The following ARHGAP44 variants were observed in gnomAD, a reference collection of about 807,000 sequenced individuals.
The protein encoded by ARHGAP44 is Rho GTPase activating protein 44.
In ARHGAP44, 43 loss-of-function variants were observed where a neutral mutation model predicts 106.8. The ratio of observed to expected loss-of-function variants is 0.40; its 90% CI spans 0.32 to 0.52. The LOEUF (loss-of-function observed/expected upper bound fraction) is 0.52, where lower values mean the gene tolerates loss of function less well. Among genes scored for constraint, ARHGAP44 ranks in the 20% least tolerant of loss-of-function variants. The pLI is 0.48. For synonymous variants in ARHGAP44, 439 were observed against 410.3 expected, an observed-to-expected ratio of 1.07 and a Z score of -0.85; for missense variants, 866 against 1,050.5, an observed-to-expected ratio of 0.82 and a Z score of 2.43.
At chr17:12,879,692 T>C (rs1432196941) in intron 1 of ARHGAP44, among the ~76,000 whole-genome samples, 1 of 99,492 alleles carries the variant, frequency 1.0e-5, no homozygotes, top group African/African-American at 2.8e-5. Flanking sequence ...TGTATATATA[T>C]ATATACACAT....
Position 12,956,652 on chromosome 17 carries a change from C to T in ARHGAP44, c.1251-3C>T. ...CCTGTTTGCCTCTGCTCTCTGCTTA[C>T]AGGAACATTACAGAGATGATGACCA... is the stretch of plus-strand genomic sequence containing the variant. On this transcript the variant is annotated splice_region_variant and splice_polypyrimidine_tract_variant and intron_variant, in intron 14 of 20. Coordinates refer to ENST00000379672, the MANE Select transcript of ARHGAP44 (RefSeq NM_014859.6). 3 of 1,613,550 alleles carry T rather than the reference C, an allele frequency of 1.9e-6. No individual in the cohort carries two copies. Among genetic ancestry groups the T allele is most frequent in the Non-Finnish European group, 2.5e-6 (3 of 1,179,538 alleles).
chr17:12,989,103 A>AAAAAAAAAAAAAC (rs2040038631), intron 20 of ARHGAP44, among the ~76,000 whole-genome samples: 3 of 104,192 alleles, frequency 2.9e-5, no homozygotes, highest in African/African-American at 9.7e-5. Flanking sequence ...ACCCCCCCCA[A>AAAAAAAAAAAAAC]AAAAAAAAAA....
chr17:12,903,286 C>T (rs1426249440), intron 3 of ARHGAP44, among the ~76,000 whole-genome samples: 1 of 151,960 alleles, frequency 6.6e-6, no homozygotes, highest in Non-Finnish European at 1.5e-5. Context: ...GAATAGTCAT[C>T]TCAGAAATGT....
At chr17:12,817,991 A>G (rs1354820615) in intron 1 of ARHGAP44, among the ~76,000 whole-genome samples, 1 of 152,042 alleles carries the variant, frequency 6.6e-6, no homozygotes, top group East Asian at 1.9e-4. Context: ...AGAACACTTC[A>G]TATCTATTTT....
At chr17:12,905,359 A>G (rs2037517149) in intron 3 of ARHGAP44, among the ~76,000 whole-genome samples, 1 of 152,138 alleles carries the variant, frequency 6.6e-6, no homozygotes, top group South Asian at 2.1e-4. Flanking sequence ...GTGTTAAATG[A>G]CTCAAAATGA....
chr17:12,860,856 C>CTT lies in ARHGAP44; in HGVS notation c.54-34062_54-34061dup, dbSNP rs71144929. On this transcript the variant is annotated intron_variant, in intron 1 of 20. Coordinates refer to ENST00000379672, the MANE Select transcript of ARHGAP44 (RefSeq NM_014859.6). ...AATCGGTATATGGTTTTTTTCTATT[C>CTT]TTTTTTTTTTTTTTTTTTTTTTTGA... Among the ~76,000 whole-genome samples the CTT allele has an allele frequency of 9.9e-4, 135 of 135,780 alleles. 2 individuals carry two copies. Among genetic ancestry groups the CTT allele is most frequent in the African/African-American group, 2.6e-3 (89 of 34,280 alleles). The allele number at this position is 135,780 out of a possible 152,430, so 89.1% of individuals were successfully genotyped here.
chr17:12,924,284 T>C (rs1244841373), intron 6 of ARHGAP44, among the ~76,000 whole-genome samples: 1 of 152,242 alleles, frequency 6.6e-6, no homozygotes, highest in Admixed American at 6.5e-5. Context: ...GCTTGTCTGC[T>C]TCAAAAGCCA....
rs79533835 is a variant in ARHGAP44, at chr17:12,891,203, G to A, written c.54-3737G>A. ...TTTTCTAGCCTGCTCTTCCAGACTC[G>A]TCTAGTCTCCACTATCCAGTTCCAA... On this transcript the variant is annotated intron_variant, in intron 1 of 20. Transcript: ENST00000379672. 9.0e-3 allele frequency among the ~76,000 whole-genome samples: 1,373 copies of A among 152,142 alleles called. 24 individuals are homozygous for A. Among genetic ancestry groups the A allele is most frequent in the African/African-American group, 0.031 (1,302 of 41,476 alleles).
chr17:12,975,795 C>CAAAAAAAAAAA (rs57364760), intron 18 of ARHGAP44, among the ~76,000 whole-genome samples: 4 of 69,372 alleles, frequency 5.8e-5, no homozygotes, highest in Admixed American at 4.2e-4. Flanking sequence ...GACTCCGTCT[C>CAAAAAAAAAAA]AAAAAAAAAA....
chr17:12,865,729 C>T (rs558725718), intron 1 of ARHGAP44, among the ~76,000 whole-genome samples: 53 of 146,250 alleles, frequency 3.6e-4, no homozygotes, highest in African/African-American at 1.2e-3. Context: ...GCGGAGCTTG[C>T]AATGAGCCGA....
intron 1 of ARHGAP44, among the ~76,000 whole-genome samples, chr17:12,805,224 C>T (rs1282475540): frequency 2.8e-4 from 42 of 152,094 alleles, no homozygotes; most frequent in Admixed American, 2.8e-3. Context: ...TTTTTTCCTG[C>T]CTTGATTTTT....
chr17:12,965,525 A>G lies in ARHGAP44; in HGVS notation c.1523+6628A>G, dbSNP rs191197346. Among the ~76,000 whole-genome samples, 35 of 152,326 alleles carry G rather than the reference A, an allele frequency of 2.3e-4. 1 individual carries two copies. Among genetic ancestry groups the G allele is most frequent in the Admixed American group, 2.1e-3 (32 of 15,302 alleles). On this transcript the variant is annotated intron_variant, in intron 16 of 20. Coordinates refer to ENST00000379672, the MANE Select transcript of ARHGAP44 (RefSeq NM_014859.6). ...CACACTTGATTGAGAGGGTTCTAGAATAATTCGAACTGTGCCCTATGGTAT... is the reference window on the plus strand; with the variant it reads ...CACACTTGATTGAGAGGGTTCTAGAGTAATTCGAACTGTGCCCTATGGTAT...
intron 1 of ARHGAP44, among the ~76,000 whole-genome samples, chr17:12,798,216 A>G (rs2033981931): frequency 6.6e-6 from 1 of 152,170 alleles, no homozygotes; most frequent in African/African-American, 2.4e-5. Context: ...TGCATTGTCT[A>G]GGACTTATAG....
At chr17:12,914,157 A>G (rs2037831545) in intron 4 of ARHGAP44, among the ~76,000 whole-genome samples, 2 of 152,166 alleles carry the variant, frequency 1.3e-5, no homozygotes, top group South Asian at 4.1e-4. Context: ...GAATATGAAC[A>G]GGCACTTCAT....
At chr17:12,886,979 T>A (rs1031591021) in intron 1 of ARHGAP44, among the ~76,000 whole-genome samples, 1 of 151,168 alleles carries the variant, frequency 6.6e-6, no homozygotes, top group African/African-American at 2.4e-5. Context: ...TTTTTTGTTT[T>A]TTTTTTTTAC....
chr17:12,874,162 A>G (rs2150887564), intron 1 of ARHGAP44, among the ~76,000 whole-genome samples: 1 of 152,144 alleles, frequency 6.6e-6, no homozygotes, highest in East Asian at 1.9e-4. Flanking sequence ...TCAGCATTCA[A>G]AATAGAAAGA....
At chr17:12,808,253 T>G (rs1358714606) in intron 1 of ARHGAP44, among the ~76,000 whole-genome samples, 1 of 152,208 alleles carries the variant, frequency 6.6e-6, no homozygotes, top group Non-Finnish European at 1.5e-5. Context: ...CAGTGGATCT[T>G]CCATTCTGGG....
intron 1 of ARHGAP44, among the ~76,000 whole-genome samples, chr17:12,841,840 TTAAAA>T (rs1043604519): frequency 1.4e-4 from 22 of 152,178 alleles, no homozygotes; most frequent in African/African-American, 4.1e-4. Flanking sequence ...GGAGGCCCTC[TTAAAA>T]TAAAAGAATT....
At chr17:12,799,172 T>G (rs999707948) in intron 1 of ARHGAP44, among the ~76,000 whole-genome samples, 4 of 152,224 alleles carry the variant, frequency 2.6e-5, no homozygotes, top group Admixed American at 2.6e-4. Context: ...AATTCTGCTT[T>G]TCTCAGATCC....
Sources: gnomAD v4.1 joint callset for allele counts (sites outside exome capture counted in the v4.1 genomes callset) on GRCh38, gnomAD v4.1.1 for gene constraint, MANE v1.5 for transcripts, NCBI Gene and HGNC (gene_info 2026-07-23, HGNC 2026-07-21) for gene names.